Variants in UST observed in about 807,000 individuals in gnomAD.
UST encodes the protein uronyl 2-sulfotransferase.
A neutral mutation model predicts 45.6 loss-of-function variants in UST; 21 were observed. That is an observed-to-expected ratio of 0.46 (90% CI 0.33 to 0.66). The LOEUF (loss-of-function observed/expected upper bound fraction) is 0.66, where lower values mean the gene tolerates loss of function less well. Ranked by LOEUF, UST falls within the 30% of genes least tolerant of loss-of-function variation. UST has a pLI of 0.02. For synonymous variants in UST, 215 were observed against 200.6 expected, an observed-to-expected ratio of 1.07 and a Z score of -0.61; for missense variants, 463 against 512.4, an observed-to-expected ratio of 0.90 and a Z score of 0.93.
chr6:148,848,729 C>T (rs940403509), intron 1 of UST, among the ~76,000 whole-genome samples: 1 of 151,580 alleles, frequency 6.6e-6, no homozygotes, highest in Admixed American at 6.6e-5. Context: ...GAGAAACTTT[C>T]AAACTCTGTT....
chr6:148,866,934 C>G (rs1778447174), intron 1 of UST, among the ~76,000 whole-genome samples: 1 of 151,648 alleles, frequency 6.6e-6, no homozygotes, highest in Non-Finnish European at 1.5e-5. Flanking sequence ...TTGCTTGATT[C>G]TGAAACGGTC....
Position 149,076,981 on chromosome 6 carries a change from CTG to C in UST, c.*2869_*2870del, listed in dbSNP as rs1387481897. 1 of 151,646 alleles carries C rather than the reference CTG, an allele frequency of 6.6e-6. No individual in the cohort carries two copies. The allele number at this position is 151,646 out of a possible 1,614,324, so 9.4% of individuals were successfully genotyped here. A position where few individuals can be genotyped will look rare whatever the true frequency, so the allele number is the denominator to read the frequency against. On this transcript the variant is annotated 3_prime_UTR_variant, in exon 8 of 8. Coordinates refer to ENST00000367463, the MANE Select transcript of UST (RefSeq NM_005715.3). ...TTAACTTAGCTAAAATAAAAGCAAT[CTG>C]TGTTTGAGATGAAGCATTCCTTAAC... is the stretch of plus-strand genomic sequence containing the variant.
At chr6:148,750,892 T>A (rs1250050159) in intron 1 of UST, among the ~76,000 whole-genome samples, 1 of 151,872 alleles carries the variant, frequency 6.6e-6, no homozygotes, top group East Asian at 1.9e-4. Flanking sequence ...GCGTTTTCTC[T>A]TTCTTTAGCA....
At chr6:148,893,199 G>A (rs1175628324) in intron 2 of UST, among the ~76,000 whole-genome samples, 6 of 152,128 alleles carry the variant, frequency 3.9e-5, no homozygotes, top group African/African-American at 9.7e-5. Flanking sequence ...TAAAGTATTA[G>A]TATTCAAAAT....
intron 3 of UST, among the ~76,000 whole-genome samples, chr6:148,946,560 T>C (rs1417383833): frequency 7.8e-6 from 1 of 127,392 alleles, no homozygotes; most frequent in Non-Finnish European, 1.6e-5. Context: ...ACCTGTAATC[T>C]CAGCACTTTG....
chr6:148,970,279 C>T (rs927262127), intron 5 of UST, among the ~76,000 whole-genome samples: 3 of 152,024 alleles, frequency 2.0e-5, no homozygotes, highest in Admixed American at 6.6e-5. Context: ...AGAATGCTAC[C>T]CCCTGCCACC....
At chr6:148,954,291 T>C (rs578166440) in intron 4 of UST, among the ~76,000 whole-genome samples, 1 of 152,332 alleles carries the variant, frequency 6.6e-6, no homozygotes, top group East Asian at 1.9e-4. Flanking sequence ...CACATTTTTG[T>C]ACAATTTGAA....
intron 1 of UST, among the ~76,000 whole-genome samples, chr6:148,877,693 A>T (rs1358146981): frequency 4.3e-5 from 3 of 70,434 alleles, no homozygotes; most frequent in Non-Finnish European, 7.4e-5. Flanking sequence ...GGGGTCATGT[A>T]TGAGTGTGAG....
chr6:148,903,666 A>C (rs915392804), intron 2 of UST, among the ~76,000 whole-genome samples: 19 of 31,394 alleles, frequency 6.1e-4, no homozygotes, highest in Admixed American at 5.3e-3. Flanking sequence ...TTGTTGTAAC[A>C]TTTTTACTGG....
chr6:148,788,163 A>G (rs1211336474), intron 1 of UST, among the ~76,000 whole-genome samples: 1 of 152,176 alleles, frequency 6.6e-6, no homozygotes, highest in Non-Finnish European at 1.5e-5. Context: ...CTTCTTATCA[A>G]ACCATCAGAT....
rs548247761 is a variant in UST, at chr6:148,888,223, T to G, written c.291+1194T>G. ...AGGGATTGGGGGAGGTACCACACACTTTTAAACAACCAGATCTCACAGGAA... is the reference window on the plus strand; with the variant it reads ...AGGGATTGGGGGAGGTACCACACACGTTTAAACAACCAGATCTCACAGGAA... On this transcript the variant is annotated intron_variant, in intron 2 of 7. Transcript: ENST00000367463. 4.6e-5 allele frequency among the ~76,000 whole-genome samples: 7 copies of G among 152,230 alleles called. No homozygotes were observed. In the South Asian group the frequency reaches 1.5e-3, roughly 32 times the overall value.
intron 2 of UST, among the ~76,000 whole-genome samples, chr6:148,923,484 AG>A (rs1779754233): frequency 6.6e-6 from 1 of 152,246 alleles, no homozygotes; most frequent in Non-Finnish European, 1.5e-5. Context: ...GTGGCTATAA[AG>A]TGGTATCTCA....
chr6:148,919,322 C>T (rs1447360041), intron 2 of UST, among the ~76,000 whole-genome samples: 1 of 152,194 alleles, frequency 6.6e-6, no homozygotes, highest in Non-Finnish European at 1.5e-5. Context: ...TTCCTGCTCC[C>T]ACTACCTGCT....
chr6:148,977,408 A>G (rs553441681), intron 5 of UST, among the ~76,000 whole-genome samples: 30 of 152,064 alleles, frequency 2.0e-4, no homozygotes, highest in Admixed American at 5.2e-4. Flanking sequence ...TTTTTCCCCA[A>G]TTGTCCTAGG....
At chr6:148,789,049 G>A (rs2114700230) in intron 1 of UST, among the ~76,000 whole-genome samples, 1 of 152,318 alleles carries the variant, frequency 6.6e-6, no homozygotes, top group East Asian at 1.9e-4. Context: ...AGATCCAGTG[G>A]CAATAACGTT....
At position 149,075,398 on chromosome 6, in the gene UST, G is replaced by C. The variant is rs1776877023; in HGVS notation, c.*1282G>C. On this transcript the variant is annotated 3_prime_UTR_variant, in exon 8 of 8. Transcript: ENST00000367463. ...TGCAGGTAGAGTCCCATTTCTTATG[G>C]GACCTGTGTGCTCCTGAGAACTCTT... is the stretch of plus-strand genomic sequence containing the variant. 1 of 152,104 alleles carries C rather than the reference G, an allele frequency of 6.6e-6. No homozygotes were observed. The highest frequency in any genetic ancestry group is 1.5e-5 in the Non-Finnish European group (1 of 68,022). The allele number at this position is 152,104 out of a possible 1,614,324, so 9.4% of individuals were successfully genotyped here.
intron 7 of UST, among the ~76,000 whole-genome samples, chr6:149,071,812 C>T (rs985033021): frequency 6.6e-6 from 1 of 152,008 alleles, no homozygotes; most frequent in Non-Finnish European, 1.5e-5. Flanking sequence ...AAAAACCCCA[C>T]TTCAAAAATG....
chr6:148,990,931 C>T (rs1056332305), intron 5 of UST, among the ~76,000 whole-genome samples: 21 of 152,262 alleles, frequency 1.4e-4, no homozygotes, highest in African/African-American at 4.8e-4. Context: ...ATTGGCTAAG[C>T]GTCTCCTGTG....
Position 148,964,686 on chromosome 6 carries a change from G to C in UST, c.681+123G>C, listed in dbSNP as rs1481796679. ...TGGCGCCTCCATGGAGCGTGGCGCA[G>C]AGAGGGTGCTTCCGCAGGAAGGAGG... is the stretch of plus-strand genomic sequence containing the variant. On this transcript the variant is annotated intron_variant, in intron 5 of 7. Transcript: ENST00000367463. 3 of 1,290,922 alleles carry C rather than the reference G, an allele frequency of 2.3e-6. No homozygotes were observed. The East Asian group carries it at 7.4e-5, about 32-fold the overall frequency. 80.0% of individuals were successfully genotyped at this position (1,290,922 alleles called of 1,614,324 possible).
Sources: gnomAD v4.1 joint callset for allele counts (sites outside exome capture counted in the v4.1 genomes callset) on GRCh38, gnomAD v4.1.1 for gene constraint, MANE v1.5 for transcripts, NCBI Gene and HGNC (gene_info 2026-07-23, HGNC 2026-07-21) for gene names.